RASSF8: variants seen among roughly 807,000 people sequenced by gnomAD.
RASSF8 encodes the protein Ras association domain family member 8, also known as ras association domain-containing protein 8.
RASSF8 carries 22 observed loss-of-function variants against 48.5 expected under a neutral mutation model. The observed-to-expected ratio is 0.45, with a 90% CI of 0.32 to 0.65. The LOEUF is 0.65. Among genes scored for constraint, RASSF8 ranks in the 30% least tolerant of loss-of-function variants. The pLI, the probability that RASSF8 is intolerant of heterozygous loss-of-function variation, is 0.03. For missense variants in RASSF8, 418 were observed against 489.2 expected (o/e 0.85, Z 1.37); for synonymous variants, 127 against 171.5 (o/e 0.74, Z 2.03).
chr12:26,041,432 C>T lies in RASSF8; in HGVS notation c.-108-13804C>T, dbSNP rs117031363. Among the ~76,000 whole-genome samples, 652 of 152,208 alleles carry T rather than the reference C, an allele frequency of 4.3e-3. 20 individuals carry two copies. The highest frequency in any genetic ancestry group is 0.017 in the South Asian group (82 of 4,822). On this transcript the variant is annotated intron_variant, in intron 2 of 5. Coordinates refer to ENST00000689635, the MANE Select transcript of RASSF8 (RefSeq NM_001394098.1). Reference sequence around the variant, plus strand: ...AGGTAATCAGAAATGCATGAATCTCCTTGGCTTTGACACTGAGTGATTGTA... The same window carrying T: ...AGGTAATCAGAAATGCATGAATCTCTTTGGCTTTGACACTGAGTGATTGTA...
At chr12:26,053,386 T>C (rs961714693) in intron 2 of RASSF8, among the ~76,000 whole-genome samples, 1 of 152,194 alleles carries the variant, frequency 6.6e-6, no homozygotes, top group African/African-American at 2.4e-5. Flanking sequence ...AGGCCATTTT[T>C]GATACCTTAA....
At chr12:25,992,345 C>T (rs1942033703) in intron 1 of RASSF8, among the ~76,000 whole-genome samples, 1 of 152,210 alleles carries the variant, frequency 6.6e-6, no homozygotes, top group Non-Finnish European at 1.5e-5. Context: ...GTTCTTGCCT[C>T]TCCTGTTTAG....
intron 5 of RASSF8, 75 bp from the exon 6 acceptor site, chr12:26,068,622 C>T (rs1943934065): frequency 8.6e-7 from 1 of 1,161,054 alleles, no homozygotes; most frequent in African/African-American, 1.5e-5. Flanking sequence ...GGGTAGGAAG[C>T]AGTCTGATTT....
Position 26,007,291 on chromosome 12 carries a change from A to G in RASSF8, c.-109+12161A>G, listed in dbSNP as rs2137006756. 1.3e-5 allele frequency among the ~76,000 whole-genome samples: 2 copies of G among 152,302 alleles called. 1 individual carries two copies. Among genetic ancestry groups the G allele is most frequent in the Non-Finnish European group, 2.9e-5 (2 of 68,018 alleles). ...AAATTTCAACATAACACCAGACTGG[A>G]GGAAGTTATAGGTGTCAAAGTTTGA... On this transcript the variant is annotated intron_variant, in intron 2 of 5. Coordinates refer to ENST00000689635, the MANE Select transcript of RASSF8 (RefSeq NM_001394098.1).
chr12:25,999,276 A>C (rs1942201819), intron 2 of RASSF8, among the ~76,000 whole-genome samples: 1 of 152,214 alleles, frequency 6.6e-6, no homozygotes, highest in Admixed American at 6.5e-5. Context: ...TTTTCCACCA[A>C]ACCATGCTCT....
intron 2 of RASSF8, chr12:26,053,015 C>T (rs2729646): frequency 0.22 from 32,860 of 152,066 alleles, 4,078 homozygotes; most frequent in African/African-American, 0.35. Flanking sequence ...TTGGGGGCTG[C>T]GGACAGGGCG....
At position 26,055,309 on chromosome 12, in the gene RASSF8, ACT is replaced by A; in HGVS notation, c.-31_-30del. On this transcript the variant is annotated 5_prime_UTR_variant, in exon 3 of 6. It introduces an in-frame stop codon into an upstream open reading frame of the 5' UTR. Transcript: ENST00000689635. ...GACATGACCTAACACCCTGATGACC[ACT>A]CTCAGGGACCTTGAGTGACTGGCCG... The A allele has an allele frequency of 6.5e-7, 1 of 1,535,162 alleles. No homozygotes were observed. The highest frequency in any genetic ancestry group is 9.0e-7 in the Non-Finnish European group (1 of 1,108,366).
At chr12:26,031,362 G>C (rs547622108) in intron 2 of RASSF8, among the ~76,000 whole-genome samples, 10 of 152,204 alleles carry the variant, frequency 6.6e-5, no homozygotes, top group African/African-American at 2.4e-4. Flanking sequence ...GATTCTCAAA[G>C]TATATTTTGG....
At position 25,973,237 on chromosome 12, in the gene RASSF8, A is replaced by G. The variant is rs556294090; in HGVS notation, c.-203+14089A>G. Among the ~76,000 whole-genome samples, 12 of 151,520 alleles carry G rather than the reference A, an allele frequency of 7.9e-5. No individual in the cohort carries two copies. The Middle Eastern group carries it at 0.01, about 129-fold the overall frequency. On this transcript the variant is annotated intron_variant, in intron 1 of 5. Coordinates refer to ENST00000689635, the MANE Select transcript of RASSF8 (RefSeq NM_001394098.1). Reference sequence around the variant, plus strand: ...TTTTTTTAGAAGCAAAGGCTAGTTTATTTGTTAAAATGCTTGGGTAGGTTC... The same window carrying G: ...TTTTTTTAGAAGCAAAGGCTAGTTTGTTTGTTAAAATGCTTGGGTAGGTTC...
intron 2 of RASSF8, among the ~76,000 whole-genome samples, chr12:26,027,974 G>A (rs1224993409): frequency 6.6e-6 from 1 of 152,150 alleles, no homozygotes; most frequent in East Asian, 1.9e-4. Flanking sequence ...CTGTGCAGAT[G>A]CTCTGGGGAC....
Sources: allele counts gnomAD v4.1 joint callset (sites outside exome capture counted in the v4.1 genomes callset), GRCh38; gene constraint gnomAD v4.1.1; transcripts MANE v1.5; gene names NCBI Gene and HGNC (gene_info 2026-07-23, HGNC 2026-07-21).